The following PRAM1 variants were observed in gnomAD, a reference collection of about 807,000 sequenced individuals.
PRAM1 encodes the protein PML-RARA regulated adaptor molecule 1, also known as PML-RARA-regulated adapter molecule 1.
A neutral mutation model predicts 55.3 loss-of-function variants in PRAM1; 41 were observed. The observed-to-expected ratio is 0.74, with a 90% confidence interval of 0.58 to 0.96. The LOEUF (loss-of-function observed/expected upper bound fraction) is 0.96. PRAM1 is among the 40% of genes least tolerant of loss of function. The pLI is 0.00. For missense variants in PRAM1, 898 were observed against 892.7 expected (o/e 1.01, Z -0.08); for synonymous variants, 401 against 387.1 (o/e 1.04, Z -0.42).
rs551601508 is a variant in PRAM1, at chr19:8,495,156, A to G, written c.1576+2608T>C. On this transcript the variant is annotated intron_variant, in intron 4 of 9. Coordinates refer to ENST00000423345, the MANE Select transcript of PRAM1 (RefSeq NM_032152.5). Reference sequence around the variant, plus strand: ...ACTCTGTCGCCCAAGCTGGAGTCCAATGGCGTGATCTTGGCTCACTGCAAC... The same window carrying G: ...ACTCTGTCGCCCAAGCTGGAGTCCAGTGGCGTGATCTTGGCTCACTGCAAC... 2.6e-5 allele frequency among the ~76,000 whole-genome samples: 4 copies of G among 151,272 alleles called. No individual in the cohort carries two copies. The South Asian group carries it at 6.3e-4, about 24-fold the overall frequency.
chr19:8,498,183 C>T (rs766352752), intron 3 of PRAM1, 40 bp downstream of exon 3: 70 of 1,594,196 alleles, frequency 4.4e-5, no homozygotes, highest in Non-Finnish European at 5.6e-5. Context: ...TCTTTGAGCC[C>T]CACAATCCGC....
rs1013479992 is a variant in PRAM1 at position 8,493,842 on chromosome 19, G to C, written c.1577-2685C>G. On this transcript the variant is annotated intron_variant, in intron 4 of 9. Transcript: ENST00000423345. This position sits in a 1 kb window ranked among gnomAD's most constrained non-coding sequence, Gnocchi z 4.1. ...AGACAGGGTCTCGTTCTGTTGCCCA[G>C]GCTGGAGTGCAGAGGTGCAATCTCG... 5.3e-5 allele frequency among the ~76,000 whole-genome samples: 8 copies of C among 151,974 alleles called. No homozygotes were observed. Among genetic ancestry groups the C allele is most frequent in the Non-Finnish European group, 1.5e-5 (1 of 67,980 alleles).
chr19:8,494,790 C>T (rs1432979175), intron 4 of PRAM1, among the ~76,000 whole-genome samples: 3 of 151,794 alleles, frequency 2.0e-5, no homozygotes, highest in African/African-American at 7.3e-5. Flanking sequence ...TGCTACCACA[C>T]CCAGCTAATT....
chr19:8,500,705 C>T (rs1200756913), intron 1 of PRAM1, among the ~76,000 whole-genome samples: 1 of 152,194 alleles, frequency 6.6e-6, no homozygotes, highest in East Asian at 1.9e-4. Context: ...TCTCCTTTTC[C>T]TCCTCCCAGC....
Position 8,490,229 on chromosome 19 carries a change from G to A in PRAM1, c.1976-3C>T. 6.2e-7 allele frequency: 1 copy of A among 1,604,836 alleles called. No individual in the cohort carries two copies. Among genetic ancestry groups the A allele is most frequent in the Non-Finnish European group, 8.5e-7 (1 of 1,174,854 alleles). On this transcript the variant is annotated splice_polypyrimidine_tract_variant and splice_region_variant and intron_variant, in intron 9 of 9. Transcript: ENST00000423345. This position sits in a 1 kb window ranked among gnomAD's most constrained non-coding sequence, Gnocchi z 7.3. ...GAGTGGTTGGTTTTCCAGGGGATCT[G>A]CCGAGGAAGCGTGACTTCCATGGAC...
intron 1 of PRAM1, among the ~76,000 whole-genome samples, chr19:8,501,020 G>A (rs142919806): frequency 4.2e-4 from 64 of 150,620 alleles, no homozygotes; most frequent in African/African-American, 1.4e-3. Flanking sequence ...CCCTCCACCC[G>A]CCTCAGCCTC....
rs991303808 is a variant in PRAM1 at position 8,492,182 on chromosome 19, G to A, written c.1577-1025C>T. Among the ~76,000 whole-genome samples the A allele has an allele frequency of 6.7e-5, 10 of 149,918 alleles. No individual in the cohort carries two copies. In the South Asian group the frequency reaches 1.7e-3, roughly 25 times the overall value. On this transcript the variant is annotated intron_variant, in intron 4 of 9. Coordinates refer to ENST00000423345, the MANE Select transcript of PRAM1 (RefSeq NM_032152.5). Reference sequence around the variant, plus strand: ...ACTCCTGACCTCAGGTGATCCACCCGCCTCGGCCTCCCAAAGTGCTGGGAT... The same window carrying A: ...ACTCCTGACCTCAGGTGATCCACCCACCTCGGCCTCCCAAAGTGCTGGGAT...
chr19:8,491,232 T>C, intron 4 of PRAM1, 75 bp from the exon 5 acceptor site: 1 of 1,427,970 alleles, frequency 7.0e-7, no homozygotes, highest in Non-Finnish European at 9.6e-7. Context: ...GTTTTTTGTT[T>C]GTTTTTGTGT....
At chr19:8,498,164 G>C in intron 3 of PRAM1, 59 bp downstream of exon 3, 1 of 1,554,042 alleles carries the variant, frequency 6.4e-7, no homozygotes, top group South Asian at 1.2e-5. Context: ...TCCAGGCCGA[G>C]ATGAGGCCTC....
At chr19:8,492,261 T>G (rs1158287757) in intron 4 of PRAM1, among the ~76,000 whole-genome samples, 3 of 149,698 alleles carry the variant, frequency 2.0e-5, no homozygotes, top group African/African-American at 7.4e-5. Context: ...CTTTTGTTTT[T>G]GTTTTTGTTT....
chr19:8,501,059 C>T (rs1452000048), intron 1 of PRAM1, among the ~76,000 whole-genome samples: 1 of 151,458 alleles, frequency 6.6e-6, no homozygotes, highest in Non-Finnish European at 1.5e-5. Flanking sequence ...AGGTGTGAGC[C>T]ACCGTGCCCA....
intron 4 of PRAM1, among the ~76,000 whole-genome samples, chr19:8,494,287 C>G (rs921090738): frequency 1.3e-5 from 2 of 152,176 alleles, no homozygotes; most frequent in African/African-American, 4.8e-5. Context: ...CAGGCTGTCA[C>G]TAGCCCAGGC....
In PRAM1 at chr19:8,491,116, G is replaced by T; in HGVS notation, c.1618C>A (p.Gln540Lys). 6.2e-7 allele frequency: 1 copy of T among 1,612,006 alleles called. No homozygotes were observed. ...SVQQAARRPP[Q>K]DPALRKEKDP... The stretch of plus-strand genomic sequence containing the variant: ...CCATGGCACCTGAGCGCTGGGTCTT[G>T]TGGTGGCCTCCTGGCGGCTTGCTGA... Residue 540 changes from glutamine to lysine, a missense_variant, in exon 5 of 10, where the codon CAA becomes AAA. Transcript: ENST00000423345.
chr19:8,496,275 ATGG>A (rs1472488465), intron 4 of PRAM1, among the ~76,000 whole-genome samples: 1 of 152,050 alleles, frequency 6.6e-6, no homozygotes, highest in Non-Finnish European at 1.5e-5. Context: ...TTAACTAGGC[ATGG>A]TGGTGGGCGC....
In PRAM1 at chr19:8,497,756, C is replaced by A. The variant is rs774901085; in HGVS notation, c.1576+8G>T. ...TTTTGCAGGGACTCGGGCAGGCCAC[C>A]AACAAACCTCTGCCCTTGGGGCTGG... On this transcript the variant is annotated splice_region_variant and intron_variant, in intron 4 of 9. Coordinates refer to ENST00000423345, the MANE Select transcript of PRAM1 (RefSeq NM_032152.5). 1 of 1,600,768 alleles carries A rather than the reference C, an allele frequency of 6.2e-7. No individual in the cohort carries two copies. Among genetic ancestry groups the A allele is most frequent in the Non-Finnish European group, 8.5e-7 (1 of 1,176,198 alleles).
rs753907476 is a variant in PRAM1, at chr19:8,499,095, T to C, written c.713A>G (p.Lys238Arg). The C allele has an allele frequency of 2.3e-5, 37 of 1,612,972 alleles. No individual in the cohort carries two copies. Among genetic ancestry groups the C allele is most frequent in the Non-Finnish European group, 3.0e-5 (35 of 1,179,546 alleles). Residue 238 changes from lysine (K) to arginine (R), a missense_variant, in exon 2 of 10, where the codon AAG (lysine) becomes AGG (arginine). Lys to Arg is a conservative substitution (Grantham distance 26, BLOSUM62 2). Coordinates refer to ENST00000423345, the MANE Select transcript of PRAM1 (RefSeq NM_032152.5). Reference sequence around the variant, plus strand: ...GAACTCAGGCTGCGGCACGGACTTCTTAGGGAGGCCACCGACCTGAGGCTG... The same window carrying C: ...GAACTCAGGCTGCGGCACGGACTTCCTAGGGAGGCCACCGACCTGAGGCTG... ...PPQPQVGGLP[K>R]KSVPQPEFSE...
intron 4 of PRAM1, 125 bp downstream of exon 4, chr19:8,497,639 T>C (rs1435328705): frequency 1.2e-5 from 9 of 725,048 alleles, no homozygotes; most frequent in Non-Finnish European, 1.8e-5. Flanking sequence ...GGGCTCCCCT[T>C]ATGTAGTTCC....
intron 5 of PRAM1, 29 bp from the exon 6 acceptor site, chr19:8,491,024 C>T (rs1490535617): frequency 1.2e-6 from 2 of 1,612,800 alleles, no homozygotes; most frequent in Admixed American, 3.3e-5. Context: ...GAATTGTGTG[C>T]TCGTGAGCAA....
At chr19:8,496,842 G>A (rs566523116) in intron 4 of PRAM1, among the ~76,000 whole-genome samples, 1 of 151,976 alleles carries the variant, frequency 6.6e-6, no homozygotes, top group Non-Finnish European at 1.5e-5. Flanking sequence ...TCGAGACCAC[G>A]GTGAAACCCC....
Sources: allele counts gnomAD v4.1 joint callset (sites outside exome capture counted in the v4.1 genomes callset), GRCh38; gene constraint gnomAD v4.1.1; non-coding constraint Gnocchi (gnomAD v3.1); transcripts MANE v1.5; gene names NCBI Gene and HGNC (gene_info 2026-07-23, HGNC 2026-07-21).